Variants in LPP observed in about 807,000 individuals in gnomAD.
LPP encodes the protein lipoma-preferred partner.
Under a neutral mutation model 60.4 loss-of-function variants are expected in LPP, and 38 were observed. The ratio of observed to expected loss-of-function variants is 0.63; its 90% confidence interval spans 0.49 to 0.83. LPP has a LOEUF of 0.83. Among genes scored for constraint, LPP ranks in the 40% least tolerant of loss-of-function variants. The pLI is 0.00. For missense variants in LPP, 902 were observed against 783.6 expected (o/e 1.15, Z -1.80); for synonymous variants, 328 against 290.8 (o/e 1.13, Z -1.30).
In LPP at chr3:188,879,670, A is replaced by G. The variant is rs1769698394; in HGVS notation, c.*5191A>G. 5.5e-6 allele frequency: 1 copy of G among 182,762 alleles called. No homozygotes were observed. Among genetic ancestry groups the G allele is most frequent in the African/African-American group, 2.3e-5 (1 of 42,578 alleles). The allele number at this position is 182,762 out of a possible 1,614,324, so 11.3% of individuals were successfully genotyped here. A position where few individuals can be genotyped will look rare whatever the true frequency, so the allele number is the denominator to read the frequency against. Reference sequence around the variant, plus strand: ...TGAAGCAATGTAACCCCAAAAAATTATAATTTTAATGATGGCATTTTATTT... The same window carrying G: ...TGAAGCAATGTAACCCCAAAAAATTGTAATTTTAATGATGGCATTTTATTT... On this transcript the variant is annotated 3_prime_UTR_variant, in exon 12 of 12. Transcript: ENST00000617246.
At chr3:188,781,898 A>G (rs991873580) in intron 9 of LPP, among the ~76,000 whole-genome samples, 2 of 137,334 alleles carry the variant, frequency 1.5e-5, no homozygotes, top group Non-Finnish European at 3.2e-5. Context: ...TCTCAAAAAA[A>G]AAAAAAAAAA....
intron 4 of LPP, among the ~76,000 whole-genome samples, chr3:188,420,946 C>A (rs528759401): frequency 6.6e-6 from 1 of 152,130 alleles, no homozygotes; most frequent in South Asian, 2.1e-4. Context: ...CACATGTTGC[C>A]TGAGCTGTGC....
intron 3 of LPP, among the ~76,000 whole-genome samples, chr3:188,365,965 G>A (rs1335603301): frequency 6.6e-6 from 1 of 152,096 alleles, no homozygotes; most frequent in Non-Finnish European, 1.5e-5. Context: ...ATTAACTACA[G>A]CCACCGCACT....
intron 4 of LPP, among the ~76,000 whole-genome samples, chr3:188,437,025 T>C (rs1286525005): frequency 6.6e-6 from 1 of 152,182 alleles, no homozygotes; most frequent in Admixed American, 6.5e-5. Context: ...CCTTTCAGCC[T>C]GGAGCCTAGA....
chr3:188,609,292 G>T lies in LPP; in HGVS notation c.561G>T (p.Gln187His). The T allele has an allele frequency of 6.2e-7, 1 of 1,614,028 alleles. No individual in the cohort carries two copies. The highest frequency in any genetic ancestry group is 1.3e-5 in the African/African-American group (1 of 75,010). The change falls in exon 7 of 12, where the codon CAG becomes CAT. Residue 187 changes from glutamine to histidine, a missense_variant. Transcript: ENST00000617246. The surrounding 1 kb of genome is among the most constrained non-coding windows in gnomAD (Gnocchi z 6.9). ...CATTGAAACCACAGCCTGCACCCCA[G>T]GCTGGACCCATCCCTGTGGCTCCAA... ...KSTLKPQPAPQAGPIPVAPIG... is the reference protein window; with the variant it reads ...KSTLKPQPAPHAGPIPVAPIG...
intron 6 of LPP, among the ~76,000 whole-genome samples, chr3:188,570,514 A>G (rs1833290449): frequency 6.6e-6 from 1 of 152,034 alleles, no homozygotes; most frequent in Non-Finnish European, 1.5e-5. Flanking sequence ...GGCTTAAAGG[A>G]CAATTGGTCT....
At chr3:188,574,719 G>A (rs551412339) in intron 6 of LPP, among the ~76,000 whole-genome samples, 290 of 152,166 alleles carry the variant, frequency 1.9e-3, no homozygotes, top group Admixed American at 5.8e-3. Flanking sequence ...CTGTGTGTGT[G>A]TGTGTTGTGG....
intron 2 of LPP, among the ~76,000 whole-genome samples, chr3:188,293,528 A>T (rs1025194699): frequency 6.6e-6 from 1 of 152,386 alleles, no homozygotes. Context: ...TTGGACAGTC[A>T]TGAGTGGATC....
chr3:188,829,422 G>A (rs939833906), intron 9 of LPP, among the ~76,000 whole-genome samples: 2 of 152,024 alleles, frequency 1.3e-5, no homozygotes, highest in African/African-American at 4.8e-5. Context: ...CTGTCCAGTG[G>A]GAGTCACCCA....
chr3:188,262,257 G>A (rs939428769), intron 2 of LPP, among the ~76,000 whole-genome samples: 4 of 151,808 alleles, frequency 2.6e-5, no homozygotes, highest in Admixed American at 6.6e-5. Context: ...TGACTCTACC[G>A]ATATTCCCTA....
At chr3:188,154,331 GC>G (rs1367484181) in intron 1 of LPP, among the ~76,000 whole-genome samples, 79 bp downstream of exon 1, 1 of 152,116 alleles carries the variant, frequency 6.6e-6, no homozygotes, top group Admixed American at 6.5e-5. Flanking sequence ...CCCGGCGCGA[GC>G]GCCTCCGGGG....
intron 6 of LPP, among the ~76,000 whole-genome samples, chr3:188,567,428 G>A (rs1419609631): frequency 2.0e-5 from 3 of 151,840 alleles, no homozygotes; most frequent in African/African-American, 7.3e-5. Context: ...TATGATTGAT[G>A]TGGTAAGAAA....
At chr3:188,866,059 T>A (rs1766504968) in intron 9 of LPP, 141 bp from the exon 10 acceptor site, 1 of 528,172 alleles carries the variant, frequency 1.9e-6, no homozygotes, top group Admixed American at 4.2e-5. Context: ...AAGCTGTAGA[T>A]GTGGTTTGTA....
chr3:188,541,764 G>GC, intron 6 of LPP, among the ~76,000 whole-genome samples: 1 of 152,136 alleles, frequency 6.6e-6, no homozygotes, highest in Admixed American at 6.5e-5. Flanking sequence ...GTGCATGGTG[G>GC]CGGGCACCTG....
At chr3:188,698,620 C>T (rs1358193760) in intron 7 of LPP, among the ~76,000 whole-genome samples, 2 of 152,120 alleles carry the variant, frequency 1.3e-5, no homozygotes, top group Admixed American at 6.5e-5. Flanking sequence ...GAGGATTTGG[C>T]GCTTCTGCTC....
intron 8 of LPP, among the ~76,000 whole-genome samples, chr3:188,753,891 T>C (rs1577353172): frequency 6.6e-6 from 1 of 152,232 alleles, no homozygotes; most frequent in African/African-American, 2.4e-5. Flanking sequence ...AGCCTCTCTA[T>C]AGAATCAGAT....
intron 7 of LPP, among the ~76,000 whole-genome samples, chr3:188,686,547 T>TA (rs1860772875): frequency 6.6e-6 from 1 of 152,220 alleles, no homozygotes; most frequent in Non-Finnish European, 1.5e-5. Context: ...GTTCTTATCT[T>TA]ACGTTGCCCA....
At chr3:188,397,069 C>G (rs573604060) in intron 3 of LPP, among the ~76,000 whole-genome samples, 1 of 152,170 alleles carries the variant, frequency 6.6e-6, no homozygotes, top group African/African-American at 2.4e-5. Flanking sequence ...GCCATGGTTG[C>G]GAACTTTCTT....
chr3:188,365,899 G>A (rs1771016631), intron 3 of LPP, among the ~76,000 whole-genome samples: 1 of 152,158 alleles, frequency 6.6e-6, no homozygotes, highest in Non-Finnish European at 1.5e-5. Context: ...TTCTGTGTAT[G>A]TGGTGAGAAC....
Sources: allele counts gnomAD v4.1 joint callset (sites outside exome capture counted in the v4.1 genomes callset), GRCh38; gene constraint gnomAD v4.1.1; non-coding constraint Gnocchi (gnomAD v3.1); transcripts MANE v1.5; gene names NCBI Gene and HGNC (gene_info 2026-07-23, HGNC 2026-07-21).